Variants in WWOX observed in about 807,000 individuals in gnomAD.
The protein encoded by WWOX is WW domain-containing oxidoreductase.
In WWOX, 69 loss-of-function variants were observed where a neutral mutation model predicts 46.2. The observed-to-expected ratio is 1.49, with a 90% CI of 1.23 to 1.82. The LOEUF (loss-of-function observed/expected upper bound fraction) is 1.82, where lower values mean the gene tolerates loss of function less well. Ranked by LOEUF, WWOX falls within the 40% of genes most tolerant of loss-of-function variation. The probability of loss-of-function intolerance (pLI) is 0.00; values close to 1 mark genes in which losing one functional copy is unlikely to be tolerated. For missense variants in WWOX, 919 were observed against 542.6 expected (o/e 1.69, Z -6.89); for synonymous variants, 359 against 202.6 (o/e 1.77, Z -6.56).
At position 78,615,131 on chromosome 16, in the gene WWOX, T is replaced by C. The variant is rs185497510; in HGVS notation, c.1056+182379T>C. ...AATAATTTGTACAAGTTTATATTTTTAGCTAAATTAAAATACTCACATTCC... is the reference window on the plus strand; with the variant it reads ...AATAATTTGTACAAGTTTATATTTTCAGCTAAATTAAAATACTCACATTCC... On this transcript the variant is annotated intron_variant, in intron 8 of 8. Transcript: ENST00000566780. Among the ~76,000 whole-genome samples the C allele has an allele frequency of 2.5e-3, 382 of 152,360 alleles. 2 individuals are homozygous for C. The highest frequency in any genetic ancestry group is 8.8e-3 in the African/African-American group (367 of 41,582).
chr16:78,666,377 C>T (rs1004226815), intron 8 of WWOX, among the ~76,000 whole-genome samples: 12 of 152,170 alleles, frequency 7.9e-5, no homozygotes, highest in Non-Finnish European at 1.6e-4. Context: ...CTGCCATCGG[C>T]ATGCCTAGAG....
At chr16:78,265,414 C>A (rs1017531002) in intron 5 of WWOX, among the ~76,000 whole-genome samples, 3 of 152,124 alleles carry the variant, frequency 2.0e-5, no homozygotes, top group African/African-American at 7.2e-5. Context: ...GGCGTGGTGG[C>A]ACACGCCTGT....
chr16:78,871,853 T>G (rs2151203380), intron 8 of WWOX, among the ~76,000 whole-genome samples: 1 of 152,308 alleles, frequency 6.6e-6, no homozygotes, highest in African/African-American at 2.4e-5. Flanking sequence ...TCCGCCCACC[T>G]TGGCCTCCCA....
intron 8 of WWOX, among the ~76,000 whole-genome samples, chr16:78,820,358 C>T (rs769567797): frequency 8.5e-5 from 13 of 152,238 alleles, no homozygotes; most frequent in East Asian, 5.8e-4. Flanking sequence ...GCCCTGAATA[C>T]GCCAGAAATA....
intron 8 of WWOX, among the ~76,000 whole-genome samples, chr16:78,919,755 T>A (rs2045335007): frequency 6.6e-6 from 1 of 152,078 alleles, no homozygotes; most frequent in South Asian, 2.1e-4. Flanking sequence ...GACCTCATGA[T>A]CCACTCGCCT....
intron 8 of WWOX, among the ~76,000 whole-genome samples, chr16:79,010,118 C>G (rs963434780): frequency 1.1e-4 from 16 of 152,318 alleles, no homozygotes; most frequent in South Asian, 1.0e-3. Context: ...CTCCACCTTA[C>G]TCATGCCTAG....
chr16:78,874,543 T>A (rs1369145226), intron 8 of WWOX, among the ~76,000 whole-genome samples: 1 of 152,062 alleles, frequency 6.6e-6, no homozygotes, highest in African/African-American at 2.4e-5. Flanking sequence ...CAGGAAGAAC[T>A]TGATGTTATT....
At chr16:78,810,842 A>G (rs2051170369) in intron 8 of WWOX, among the ~76,000 whole-genome samples, 1 of 152,238 alleles carries the variant, frequency 6.6e-6, no homozygotes, top group African/African-American at 2.4e-5. Context: ...ACAGCGCAAG[A>G]TCCAAAAAGA....
At chr16:79,058,135 A>C (rs999870185) in intron 8 of WWOX, among the ~76,000 whole-genome samples, 3 of 146,612 alleles carry the variant, frequency 2.0e-5, no homozygotes, top group African/African-American at 8.0e-5. Context: ...CAAACAAAAA[A>C]AAAAAACTCC....
At chr16:78,912,268 T>C (rs1037548487) in intron 8 of WWOX, among the ~76,000 whole-genome samples, 5 of 152,054 alleles carry the variant, frequency 3.3e-5, no homozygotes, top group African/African-American at 4.8e-5. Context: ...TCAGGATATA[T>C]TCATTGAAGT....
At chr16:78,528,257 G>A (rs1025165185) in intron 8 of WWOX, among the ~76,000 whole-genome samples, 2 of 138,754 alleles carry the variant, frequency 1.4e-5, no homozygotes, top group African/African-American at 2.7e-5. Context: ...CTCGTAATCC[G>A]CCCACCTCGG....
chr16:78,710,539 T>C (rs2048423116), intron 8 of WWOX, among the ~76,000 whole-genome samples: 1 of 141,754 alleles, frequency 7.1e-6, no homozygotes, highest in African/African-American at 2.6e-5. Context: ...ATTTATATTT[T>C]ATATATTTTT....
intron 8 of WWOX, among the ~76,000 whole-genome samples, chr16:78,710,313 C>G (rs1174934506): frequency 1.3e-5 from 2 of 151,200 alleles, no homozygotes; most frequent in Non-Finnish European, 2.9e-5. Flanking sequence ...TGAAAGTAGT[C>G]TTCAAGAAAT....
intron 5 of WWOX, among the ~76,000 whole-genome samples, chr16:78,191,418 G>A (rs891568337): frequency 6.6e-6 from 1 of 152,114 alleles, no homozygotes; most frequent in East Asian, 1.9e-4. Flanking sequence ...AAATAGCATC[G>A]TAATGAGTTT....
chr16:79,010,971 G>C (rs1170742085), intron 8 of WWOX, among the ~76,000 whole-genome samples: 2 of 152,020 alleles, frequency 1.3e-5, no homozygotes, highest in Non-Finnish European at 2.9e-5. Context: ...AGGGAGGTTT[G>C]GGCAGGCTCT....
chr16:78,354,533 G>C (rs977640676), intron 5 of WWOX, among the ~76,000 whole-genome samples: 8 of 152,170 alleles, frequency 5.3e-5, no homozygotes, highest in Admixed American at 3.9e-4. Context: ...AACATTTCTA[G>C]TTTAGAAGAG....
intron 8 of WWOX, chr16:79,090,227 C>G (rs576524281): frequency 6.6e-6 from 1 of 150,628 alleles, no homozygotes. Context: ...GGGCCAGGGT[C>G]GGGTTAAGAT....
intron 8 of WWOX, among the ~76,000 whole-genome samples, chr16:78,829,983 C>A (rs1042903400): frequency 7.9e-5 from 12 of 152,064 alleles, no homozygotes; most frequent in Admixed American, 2.0e-4. Flanking sequence ...TGGGGCCAGA[C>A]ACAGTGGCTC....
At chr16:78,400,060 C>A (rs571827937) in intron 6 of WWOX, among the ~76,000 whole-genome samples, 32 of 152,122 alleles carry the variant, frequency 2.1e-4, no homozygotes, top group Non-Finnish European at 4.3e-4. Flanking sequence ...TTTGAAGAAT[C>A]TATTGCATAC....
Sources: gnomAD v4.1 joint callset for allele counts (sites outside exome capture counted in the v4.1 genomes callset) on GRCh38, gnomAD v4.1.1 for gene constraint, MANE v1.5 for transcripts, NCBI Gene and HGNC (gene_info 2026-07-23, HGNC 2026-07-21) for gene names.